Variants in SLC12A7 observed in about 807,000 individuals in gnomAD.
SLC12A7 encodes the protein K-Cl cotransporter 4.
In SLC12A7, 100 loss-of-function variants were observed where a neutral mutation model predicts 120.6. The observed-to-expected ratio is 0.83, with a 90% confidence interval of 0.71 to 0.98. The LOEUF (loss-of-function observed/expected upper bound fraction) is 0.98. Among genes scored for constraint, SLC12A7 ranks in the 50% least tolerant of loss-of-function variants. The probability of loss-of-function intolerance (pLI) is 0.00; values close to 1 mark genes in which losing one functional copy is unlikely to be tolerated. For missense variants in SLC12A7, 1,373 were observed against 1,548.1 expected (o/e 0.89, Z 1.90); for synonymous variants, 760 against 678.0 (o/e 1.12, Z -1.88).
At chr5:1,141,550 C>G in the SLC12A7 span, among the ~76,000 whole-genome samples, 1 of 152,252 alleles carries the variant, frequency 6.6e-6, no homozygotes, top group South Asian at 2.1e-4. Flanking sequence ...GATGGAGGCT[C>G]CCTGGGGACT....
intron 7 of SLC12A7, among the ~76,000 whole-genome samples, chr5:1,084,202 C>T (rs1006800042): frequency 6.7e-6 from 1 of 150,122 alleles, no homozygotes; most frequent in Non-Finnish European, 1.5e-5. Flanking sequence ...GGGACCAGGC[C>T]AGGCTGCAGC....
chr5:1,152,200 C>A, the SLC12A7 span, among the ~76,000 whole-genome samples: 1 of 152,188 alleles, frequency 6.6e-6, no homozygotes, highest in Admixed American at 6.5e-5. Context: ...GGAGGCTGTG[C>A]GATCGTCTGG....
chr5:1,109,763 G>A (rs1462959453), intron 1 of SLC12A7, among the ~76,000 whole-genome samples: 2 of 152,258 alleles, frequency 1.3e-5, no homozygotes, highest in Non-Finnish European at 2.9e-5. Context: ...ACCTGGCAGT[G>A]CCTAGGATCA....
chr5:1,102,711 G>C (rs1390757179), intron 1 of SLC12A7, among the ~76,000 whole-genome samples: 1 of 152,202 alleles, frequency 6.6e-6, no homozygotes, highest in Non-Finnish European at 1.5e-5. Context: ...CTGCACTCGA[G>C]GAGGTTCTCA....
At chr5:1,065,169 AGT>A (rs1736887521) in intron 18 of SLC12A7, 112 bp downstream of exon 18, 1 of 621,678 alleles carries the variant, frequency 1.6e-6, no homozygotes, top group Non-Finnish European at 2.6e-6. Context: ...AAAAGGGGAC[AGT>A]GAGAGGACAG....
intron 18 of SLC12A7, 77 bp downstream of exon 18, chr5:1,065,193 TGAGGAGACACACA>T: frequency 2.6e-4 from 2 of 7,688 alleles, no homozygotes; most frequent in Non-Finnish European, 4.3e-3. Flanking sequence ...GAGGGGACAC[TGAGGAGACACACA>T]GGGGACAGCG....
intron 1 of SLC12A7, among the ~76,000 whole-genome samples, chr5:1,096,857 G>A (rs575000863): frequency 3.9e-4 from 47 of 119,946 alleles, no homozygotes; most frequent in Middle Eastern, 4.1e-3. Context: ...AAGGAGGGAG[G>A]GAGGGATGAA....
At chr5:1,060,693 C>A (rs114611005) in intron 20 of SLC12A7, among the ~76,000 whole-genome samples, 1 of 152,188 alleles carries the variant, frequency 6.6e-6, no homozygotes, top group South Asian at 2.1e-4. Flanking sequence ...ACCCTCCGAC[C>A]GGGCACAAGG....
At chr5:1,079,564 C>A in intron 9 of SLC12A7, 68 bp from the exon 10 acceptor site, 1 of 1,346,594 alleles carries the variant, frequency 7.4e-7, no homozygotes, top group African/African-American at 1.4e-5. Context: ...CAGCCCCTGC[C>A]CAGAAAGCTG....
At chr5:1,066,933 C>G (rs1009164790) in intron 17 of SLC12A7, among the ~76,000 whole-genome samples, 21 of 152,166 alleles carry the variant, frequency 1.4e-4, no homozygotes, top group Non-Finnish European at 2.8e-4. Flanking sequence ...ACAGCAGCCC[C>G]GGGCCACTCA....
In SLC12A7 at chr5:1,060,949, CGGA is replaced by C. The variant is rs1736125435; in HGVS notation, c.2740-501_2740-499del. Among the ~76,000 whole-genome samples, 7 of 152,178 alleles carry C rather than the reference CGGA, an allele frequency of 4.6e-5. 1 individual carries two copies. In the South Asian group the frequency reaches 1.5e-3, roughly 32 times the overall value. ...CCGTGCGGGACCCCTGCGCCTCACC[CGGA>C]ACATCCACAGTGTGGGACTGCTGCG... On this transcript the variant is annotated intron_variant, in intron 20 of 23. Coordinates refer to ENST00000264930, the MANE Select transcript of SLC12A7 (RefSeq NM_006598.3).
rs895998793 is a variant in SLC12A7, at chr5:1,100,868, C to T, written c.125-6620G>A. Among the ~76,000 whole-genome samples, 24 of 152,212 alleles carry T rather than the reference C, an allele frequency of 1.6e-4. 1 individual carries two copies. The highest frequency in any genetic ancestry group is 2.1e-4 in the Non-Finnish European group (14 of 68,030). On this transcript the variant is annotated intron_variant, in intron 1 of 23. Transcript: ENST00000264930. Reference sequence around the variant, plus strand: ...CAGCGTGGGAACTTGGTGTCTGTCACGTTGGATCCCGGATGTGTCCTGGGA... The same window carrying T: ...CAGCGTGGGAACTTGGTGTCTGTCATGTTGGATCCCGGATGTGTCCTGGGA...
the SLC12A7 span, among the ~76,000 whole-genome samples, chr5:1,147,807 A>G: frequency 0.35 from 53,880 of 151,842 alleles, 9,869 homozygotes; most frequent in East Asian, 0.6. Context: ...TAGTATCTCA[A>G]TCACAGCTCA....
In SLC12A7 at chr5:1,051,395, T is replaced by TGGGGG. The variant is rs1735020777; in HGVS notation, c.*964_*965insCCCCC. The TGGGGG allele has an allele frequency of 2.8e-4, 9 of 32,452 alleles. No homozygotes were observed. Among genetic ancestry groups the TGGGGG allele is most frequent in the South Asian group, 1.2e-3 (1 of 866 alleles). The allele number at this position is 32,452 out of a possible 1,614,324, so 2.0% of individuals were successfully genotyped here. The stretch of plus-strand genomic sequence containing the variant: ...TGTGTGCCGTGCTCCTGGGGTGGGG[T>TGGGGG]GGGGTGGGGAGGGCAGTCCTGGCTG... On this transcript the variant is annotated 3_prime_UTR_variant, in exon 24 of 24. Transcript: ENST00000264930.
chr5:1,146,673 A>G, the SLC12A7 span, among the ~76,000 whole-genome samples: 1 of 152,134 alleles, frequency 6.6e-6, no homozygotes, highest in African/African-American at 2.4e-5. This position sits in a 1 kb window ranked among gnomAD's most constrained non-coding sequence, Gnocchi z 6.5. Context: ...GTCTGGTAAG[A>G]AACACCATAC....
At chr5:1,076,952 A>C in intron 12 of SLC12A7, 140 bp from the exon 13 acceptor site, 1 of 660,306 alleles carries the variant, frequency 1.5e-6, no homozygotes, top group Non-Finnish European at 2.7e-6. Flanking sequence ...TCCCCGGGAC[A>C]TCACGCGGCT....
intron 20 of SLC12A7, among the ~76,000 whole-genome samples, chr5:1,062,472 C>G (rs929181594): frequency 6.6e-6 from 1 of 152,232 alleles, no homozygotes; most frequent in African/African-American, 2.4e-5. Context: ...AACCATCCAG[C>G]GTCACGCAGG....
At chr5:1,137,195 T>A in the SLC12A7 span, among the ~76,000 whole-genome samples, 1 of 151,824 alleles carries the variant, frequency 6.6e-6, no homozygotes. Context: ...ACTCCAAGGA[T>A]TCATGCCCCC....
At chr5:1,061,068 C>G in intron 20 of SLC12A7, among the ~76,000 whole-genome samples, 4 of 111,684 alleles carry the variant, frequency 3.6e-5, no homozygotes, top group African/African-American at 1.1e-4. Context: ...GCCGCACCCG[C>G]CGCACCTGCC....
Sources: allele counts gnomAD v4.1 joint callset (sites outside exome capture counted in the v4.1 genomes callset), GRCh38; gene constraint gnomAD v4.1.1; non-coding constraint Gnocchi (gnomAD v3.1); transcripts MANE v1.5; gene names NCBI Gene and HGNC (gene_info 2026-07-23, HGNC 2026-07-21).